SH3BP5: variants seen among roughly 807,000 people sequenced by gnomAD.
SH3BP5 encodes the protein SH3 domain-binding protein 5.
Under a neutral mutation model 43.3 loss-of-function variants are expected in SH3BP5, and 22 were observed. The observed-to-expected ratio is 0.51, with a 90% CI of 0.36 to 0.73. The LOEUF (loss-of-function observed/expected upper bound fraction) is 0.73, where lower values mean the gene tolerates loss of function less well. Among genes scored for constraint, SH3BP5 ranks in the 30% least tolerant of loss-of-function variants. The probability of loss-of-function intolerance (pLI) is 0.00; values close to 1 mark genes in which losing one functional copy is unlikely to be tolerated. For synonymous variants in SH3BP5, 255 were observed against 225.8 expected (o/e 1.13, Z -1.16); for missense variants, 529 against 586.9 (o/e 0.90, Z 1.02).
chr3:15,289,358 T>G (rs768417402), intron 3 of SH3BP5, among the ~76,000 whole-genome samples: 22 of 152,166 alleles, frequency 1.4e-4, no homozygotes, highest in Non-Finnish European at 2.9e-5. Flanking sequence ...GGGACATATA[T>G]CCCTTCCTCA....
chr3:15,256,590 C>G (rs545241544), intron 8 of SH3BP5: 1 of 593,088 alleles, frequency 1.7e-6, no homozygotes, highest in African/African-American at 1.9e-5. Flanking sequence ...AAACAAACCT[C>G]TCTACTATGT....
chr3:15,304,798 G>C (rs915693528), intron 2 of SH3BP5, among the ~76,000 whole-genome samples: 1 of 135,234 alleles, frequency 7.4e-6, no homozygotes, highest in African/African-American at 2.9e-5. Flanking sequence ...CTGGGTGACA[G>C]AGCACGACTC....
intron 2 of SH3BP5, among the ~76,000 whole-genome samples, chr3:15,327,229 A>G (rs12330350): frequency 0.2 from 29,615 of 151,612 alleles, 2,969 homozygotes; most frequent in Middle Eastern, 0.29. Context: ...GTGAAACCCC[A>G]TCTCTACTAA....
chr3:15,266,581 G>A (rs1696652559), intron 4 of SH3BP5, among the ~76,000 whole-genome samples: 2 of 152,236 alleles, frequency 1.3e-5, no homozygotes, highest in African/African-American at 4.8e-5. Context: ...AGCTGAGGCT[G>A]AAGGGGTCCT....
At chr3:15,273,172 G>T (rs963222467) in intron 3 of SH3BP5, 1 of 985,274 alleles carries the variant, frequency 1.0e-6, no homozygotes, top group Non-Finnish European at 1.2e-6. Context: ...ATCCTAAAAT[G>T]GGATTTGTAT....
At chr3:15,286,800 C>A (rs993897425) in intron 3 of SH3BP5, among the ~76,000 whole-genome samples, 8 of 152,258 alleles carry the variant, frequency 5.3e-5, no homozygotes, top group Admixed American at 3.3e-4. Context: ...CCCGCCTCAG[C>A]TTCCCAAAGT....
rs778534330 is a variant in SH3BP5 at position 15,256,968 on chromosome 3, G to T, written c.1035C>A (p.Gly345=). 2.5e-6 allele frequency: 4 copies of T among 1,614,228 alleles called. No individual in the cohort carries two copies. The highest frequency in any genetic ancestry group is 3.4e-6 in the Non-Finnish European group (4 of 1,180,042). Residue 345 remains glycine (G), a synonymous_variant, in exon 8 of 9, where the codon GGC becomes GGA. Coordinates refer to ENST00000383791, the MANE Select transcript of SH3BP5 (RefSeq NM_004844.5). ...PDQFPAVVRP[G]SLDLPSPVSL... Reference sequence around the variant, plus strand: ...ACACAGGGCTGGGCAGATCCAGGCTGCCAGGCCTCACAACCGCAGGGAACT... The same window carrying T: ...ACACAGGGCTGGGCAGATCCAGGCTTCCAGGCCTCACAACCGCAGGGAACT...
chr3:15,293,740 C>T (rs1422646621), intron 3 of SH3BP5, among the ~76,000 whole-genome samples: 2 of 152,168 alleles, frequency 1.3e-5, no homozygotes, highest in African/African-American at 4.8e-5. Flanking sequence ...ATGTTAAAGT[C>T]CCCAAGCCTC....
intron 3 of SH3BP5, among the ~76,000 whole-genome samples, chr3:15,277,229 C>G (rs1696997660): frequency 6.6e-6 from 1 of 152,192 alleles, no homozygotes; most frequent in African/African-American, 2.4e-5. Context: ...GCCTCAGCCT[C>G]CCAAAGTGCT....
chr3:15,259,271 C>T, intron 6 of SH3BP5: 1 of 594,378 alleles, frequency 1.7e-6, no homozygotes. Context: ...CTCTAATATC[C>T]AAAAACTCTC....
intron 2 of SH3BP5, among the ~76,000 whole-genome samples, chr3:15,310,752 G>A (rs1698034489): frequency 1.3e-5 from 2 of 152,160 alleles, no homozygotes; most frequent in Non-Finnish European, 2.9e-5. Flanking sequence ...CTCTTCAAAT[G>A]TGAAAATTGT....
At chr3:15,278,219 C>T (rs1187834285) in intron 3 of SH3BP5, among the ~76,000 whole-genome samples, 1 of 152,230 alleles carries the variant, frequency 6.6e-6, no homozygotes, top group Admixed American at 6.5e-5. Flanking sequence ...AGAACCCCTC[C>T]CCCGGCTAGA....
chr3:15,292,469 T>G (rs978453446), intron 3 of SH3BP5, among the ~76,000 whole-genome samples: 2 of 152,130 alleles, frequency 1.3e-5, no homozygotes, highest in Admixed American at 6.5e-5. Context: ...GGCTAAGACC[T>G]GCCTGCAACC....
chr3:15,336,535 T>A (rs1451675376), upstream of SH3BP5, among the ~76,000 whole-genome samples: 1 of 152,116 alleles, frequency 6.6e-6, no homozygotes, highest in East Asian at 1.9e-4. Context: ...AGCAAAGTAA[T>A]GAGCCACATC....
intron 3 of SH3BP5, among the ~76,000 whole-genome samples, chr3:15,295,777 T>C (rs909213583): frequency 1.3e-5 from 2 of 152,012 alleles, no homozygotes; most frequent in African/African-American, 4.8e-5. Context: ...CATGGCTGGA[T>C]TTGTGGATTA....
intron 2 of SH3BP5, among the ~76,000 whole-genome samples, chr3:15,327,639 C>T (rs907671844): frequency 1.3e-5 from 2 of 152,220 alleles, no homozygotes; most frequent in Non-Finnish European, 2.9e-5. Context: ...CGCTCTGCTA[C>T]TCACCCCAAC....
At chr3:15,266,979 G>A (rs1269882793) in intron 4 of SH3BP5, among the ~76,000 whole-genome samples, 1 of 152,232 alleles carries the variant, frequency 6.6e-6, no homozygotes, top group Non-Finnish European at 1.5e-5. Flanking sequence ...AGACAGCCCT[G>A]GGCCTTTCTG....
chr3:15,320,368 T>G (rs1178918181), intron 2 of SH3BP5, among the ~76,000 whole-genome samples: 1 of 152,138 alleles, frequency 6.6e-6, no homozygotes, highest in Non-Finnish European at 1.5e-5. Context: ...ATTTTTTCCA[T>G]CTTCCTTTAA....
intron 3 of SH3BP5, among the ~76,000 whole-genome samples, chr3:15,298,565 G>A (rs529715790): frequency 6.6e-6 from 1 of 152,264 alleles, no homozygotes; most frequent in South Asian, 2.1e-4. Context: ...AAATAACAAG[G>A]GTTGCCCAAT....
Sources: allele counts gnomAD v4.1 joint callset (sites outside exome capture counted in the v4.1 genomes callset), GRCh38; gene constraint gnomAD v4.1.1; transcripts MANE v1.5; gene names NCBI Gene and HGNC (gene_info 2026-07-23, HGNC 2026-07-21).